The following DDAH1 variants were observed in gnomAD, a reference collection of about 807,000 sequenced individuals.
DDAH1 encodes the protein N(G),N(G)-dimethylarginine dimethylaminohydrolase 1.
A neutral mutation model predicts 28.8 loss-of-function variants in DDAH1; 19 were observed. The observed-to-expected ratio is 0.66, with a 90% CI of 0.46 to 0.97. The LOEUF (loss-of-function observed/expected upper bound fraction) is 0.97, where lower values mean the gene tolerates loss of function less well. Ranked by LOEUF, DDAH1 falls within the 50% of genes least tolerant of loss-of-function variation. DDAH1 has a pLI of 0.00. For synonymous variants in DDAH1, 153 were observed against 154.4 expected, an observed-to-expected ratio of 0.99 and a Z score of 0.07; for missense variants, 326 against 375.9, an observed-to-expected ratio of 0.87 and a Z score of 1.10.
At chr1:85,574,887 C>CTATA (rs1463626643) in intron 1 of DDAH1, among the ~76,000 whole-genome samples, 5 of 151,676 alleles carry the variant, frequency 3.3e-5, no homozygotes, top group East Asian at 3.9e-4. Context: ...CTCTCTCTCT[C>CTATA]TCTCTATATA....
At chr1:85,416,702 C>G (rs949726247) in intron 1 of DDAH1, among the ~76,000 whole-genome samples, 1 of 152,080 alleles carries the variant, frequency 6.6e-6, no homozygotes, top group Non-Finnish European at 1.5e-5. Flanking sequence ...GGGTCTTGCT[C>G]TGTTGCCCAG....
chr1:85,479,334 C>G (rs1052485985), intron 2 of DDAH1, among the ~76,000 whole-genome samples: 1 of 150,988 alleles, frequency 6.6e-6, no homozygotes, highest in South Asian at 2.1e-4. Context: ...CCACCGCGCC[C>G]GGCTAATTTT....
At position 85,320,335 on chromosome 1, in the gene DDAH1, T is replaced by C. The variant is rs536200596; in HGVS notation, c.*1117A>G. 2.0e-4 allele frequency: 31 copies of C among 152,740 alleles called. No individual in the cohort carries two copies. Among genetic ancestry groups the C allele is most frequent in the Admixed American group, 1.8e-3 (27 of 15,298 alleles). The allele number at this position is 152,740 out of a possible 1,614,324, so 9.5% of individuals were successfully genotyped here. ...GGGTTCAAGCATCAAGGTGATCGCT[T>C]CCTGAACATGTTCATTGACCATGAG... On this transcript the variant is annotated 3_prime_UTR_variant, in exon 6 of 6. Transcript: ENST00000284031.
chr1:85,511,146 CTG>C (rs968992777), intron 1 of DDAH1, among the ~76,000 whole-genome samples: 21 of 152,196 alleles, frequency 1.4e-4, no homozygotes, highest in African/African-American at 4.1e-4. Context: ...TCACAACAAA[CTG>C]TCTCTCGGAC....
At chr1:85,507,146 GTGTA>G (rs1356936081) in intron 1 of DDAH1, among the ~76,000 whole-genome samples, 1 of 151,756 alleles carries the variant, frequency 6.6e-6, no homozygotes, top group Non-Finnish European at 1.5e-5. Context: ...ATGTGTGTGT[GTGTA>G]TATATTTTGA....
At chr1:85,534,679 T>C (rs1397710358) in intron 1 of DDAH1, among the ~76,000 whole-genome samples, 2 of 151,842 alleles carry the variant, frequency 1.3e-5, no homozygotes, top group Non-Finnish European at 2.9e-5. Flanking sequence ...TAACAATATG[T>C]TCCTCTTGCA....
chr1:85,531,541 G>GT (rs1377908890), intron 1 of DDAH1, among the ~76,000 whole-genome samples: 1 of 151,968 alleles, frequency 6.6e-6, no homozygotes, highest in African/African-American at 2.4e-5. Flanking sequence ...ACACTGCACT[G>GT]TGTCTTAACA....
intron 1 of DDAH1, among the ~76,000 whole-genome samples, chr1:85,518,992 G>A (rs1332897017): frequency 6.6e-6 from 1 of 151,618 alleles, no homozygotes; most frequent in East Asian, 1.9e-4. Flanking sequence ...GACATAGAAG[G>A]ATATTCAAAA....
chr1:85,441,516 G>A (rs1654192382), intron 1 of DDAH1, among the ~76,000 whole-genome samples: 1 of 146,798 alleles, frequency 6.8e-6, no homozygotes, highest in Admixed American at 7.0e-5. Context: ...ACTCCAGCCT[G>A]GCGACAGAGT....
intron 1 of DDAH1, among the ~76,000 whole-genome samples, chr1:85,508,172 G>A (rs1205173546): frequency 6.6e-6 from 1 of 152,162 alleles, no homozygotes; most frequent in Non-Finnish European, 1.5e-5. Flanking sequence ...TGAATAACCG[G>A]TTCTGCAATA....
intron 1 of DDAH1, among the ~76,000 whole-genome samples, chr1:85,526,448 G>A (rs1216277678): frequency 3.3e-5 from 5 of 152,158 alleles, no homozygotes; most frequent in African/African-American, 9.7e-5. Context: ...AGAAAGAATA[G>A]GGCCTTATGA....
At position 85,354,017 on chromosome 1, in the gene DDAH1, T is replaced by C. The variant is rs556319386; in HGVS notation, c.404-2438A>G. Among the ~76,000 whole-genome samples the C allele has an allele frequency of 2.0e-5, 3 of 152,284 alleles. No individual in the cohort carries two copies. The South Asian group carries it at 6.2e-4, about 32-fold the overall frequency. ...ATGCTGCTTATCTCTTCAAAGTAGG[T>C]TGGACTTCTGTCTCTGGCAGTACGT... is the stretch of plus-strand genomic sequence containing the variant. On this transcript the variant is annotated intron_variant, in intron 2 of 5. Transcript: ENST00000284031.
At chr1:85,546,330 T>A (rs778999288) in intron 1 of DDAH1, among the ~76,000 whole-genome samples, 2 of 152,176 alleles carry the variant, frequency 1.3e-5, no homozygotes, top group Non-Finnish European at 2.9e-5. Flanking sequence ...CCCTCTCACC[T>A]TCTACCATGG....
At chr1:85,556,854 C>T (rs1334156907) in intron 1 of DDAH1, among the ~76,000 whole-genome samples, 2 of 152,170 alleles carry the variant, frequency 1.3e-5, no homozygotes, top group African/African-American at 2.4e-5. Context: ...TAGTGGCTCA[C>T]GCCTGTAATC....
intron 1 of DDAH1, among the ~76,000 whole-genome samples, chr1:85,527,493 G>T (rs1657914508): frequency 6.6e-6 from 1 of 152,184 alleles, no homozygotes; most frequent in Non-Finnish European, 1.5e-5. Context: ...ATAATGTTAG[G>T]CAAGACTGGT....
At chr1:85,414,201 G>A (rs1013645803) in intron 1 of DDAH1, among the ~76,000 whole-genome samples, 1 of 151,540 alleles carries the variant, frequency 6.6e-6, no homozygotes, top group African/African-American at 2.5e-5. Flanking sequence ...TAGGGCTATA[G>A]CTCACAACAA....
chr1:85,515,035 A>G (rs1657419514), intron 1 of DDAH1, among the ~76,000 whole-genome samples: 2 of 149,028 alleles, frequency 1.3e-5, no homozygotes, highest in African/African-American at 4.9e-5. Context: ...ACACACACAT[A>G]TATGTTTTTA....
chr1:85,465,006 T>TGGCCCGGCCGAAGGCGGCGGGGTGGCCG lies in DDAH1; in HGVS notation c.12_39dup (p.Thr14ArgfsTer99), dbSNP rs1655304769. 7.4e-7 allele frequency: 1 copy of TGGCCCGGCCGAAGGCGGCGGGGTGGCCG among 1,356,038 alleles called. No homozygotes were observed. Among genetic ancestry groups the TGGCCCGGCCGAAGGCGGCGGGGTGGCCG allele is most frequent in the East Asian group, 3.1e-5 (1 of 32,398 alleles). The allele number at this position is 1,356,038 out of a possible 1,614,324, so 84.0% of individuals were successfully genotyped here. On this transcript the variant is annotated frameshift_variant, in exon 1 of 6. Coordinates refer to ENST00000284031, the MANE Select transcript of DDAH1 (RefSeq NM_012137.4). LOFTEE classifies it high-confidence loss of function. ...GGTAGCGCCCGCACCACGGCGTGGG[T>TGGCCCGGCCGAAGGCGGCGGGGTGGCCG]GGCCCGGCCGAAGGCGGCGGGGTGG...
chr1:85,567,087 G>A (rs1659327999), intron 1 of DDAH1, among the ~76,000 whole-genome samples: 1 of 152,186 alleles, frequency 6.6e-6, no homozygotes, highest in Non-Finnish European at 1.5e-5. Flanking sequence ...CAGGCCTTCA[G>A]CTGATTGGAT....
Sources: gnomAD v4.1 joint callset for allele counts (sites outside exome capture counted in the v4.1 genomes callset) on GRCh38, gnomAD v4.1.1 for gene constraint, MANE v1.5 for transcripts, NCBI Gene and HGNC (gene_info 2026-07-23, HGNC 2026-07-21) for gene names.